RNF38: variants seen among roughly 807,000 people sequenced by gnomAD.
The protein encoded by RNF38 is E3 ubiquitin-protein ligase RNF38.
Under a neutral mutation model 67.2 loss-of-function variants are expected in RNF38, and 15 were observed. The ratio of observed to expected loss-of-function variants is 0.22; its 90% CI spans 0.15 to 0.34. RNF38 has a LOEUF of 0.34. RNF38 is among the 10% of genes least tolerant of loss of function. RNF38 has a pLI of 1.00. For missense variants in RNF38, 524 were observed against 639.9 expected, an observed-to-expected ratio of 0.82 and a Z score of 1.95; for synonymous variants, 220 against 218.8, an observed-to-expected ratio of 1.01 and a Z score of -0.05.
intron 2 of RNF38, among the ~76,000 whole-genome samples, chr9:36,383,562 A>C (rs1272194704): frequency 6.6e-6 from 1 of 152,192 alleles, no homozygotes; most frequent in Non-Finnish European, 1.5e-5. Flanking sequence ...TGAACTACAT[A>C]ATGTACACAG....
At chr9:36,396,565 G>A (rs986195150) in intron 1 of RNF38, among the ~76,000 whole-genome samples, 1 of 152,092 alleles carries the variant, frequency 6.6e-6, no homozygotes, top group Non-Finnish European at 1.5e-5. Context: ...GTGTGGAGCA[G>A]GGGTACTCAA....
chr9:36,397,104 G>GTT (rs34047668), intron 1 of RNF38, among the ~76,000 whole-genome samples: 7 of 135,290 alleles, frequency 5.2e-5, no homozygotes, highest in South Asian at 2.3e-4. Flanking sequence ...TATATGTTTT[G>GTT]TTTTTTTTTT....
In RNF38 at chr9:36,376,019, A is replaced by C. The variant is rs993172671; in HGVS notation, c.271T>G (p.Ser91Ala). 1.2e-5 allele frequency: 20 copies of C among 1,613,248 alleles called. No homozygotes were observed. The highest frequency in any genetic ancestry group is 1.6e-4 in the Middle Eastern group (1 of 6,082). ...SPPMRPWEMT[S>A]NRQPPSVRPS... The stretch of plus-strand genomic sequence containing the variant: ...CGAACTGAAGGGGGCTGCCTATTTG[A>C]TGTCATCTCCCATGGTCGCATTGGT... The change falls in exon 3 of 12, where the codon TCA (serine) becomes GCA (alanine). Residue 91 changes from serine (S) to alanine (A), a missense_variant. Ser to Ala is a moderately conservative substitution (Grantham distance 99). Coordinates refer to ENST00000259605, the MANE Select transcript of RNF38 (RefSeq NM_022781.5).
chr9:36,475,145 C>A (rs1840094795), intron 1 of RNF38, among the ~76,000 whole-genome samples: 6 of 122,560 alleles, frequency 4.9e-5, no homozygotes, highest in African/African-American at 1.6e-4. Flanking sequence ...GACTCTGCCT[C>A]AAAAAAAAAA....
chr9:36,486,539 C>G (rs763344992), intron 1 of RNF38, among the ~76,000 whole-genome samples: 45 of 152,328 alleles, frequency 3.0e-4, no homozygotes, highest in South Asian at 1.2e-3. Flanking sequence ...AAAAAGACAC[C>G]TTACGGGCGC....
intron 1 of RNF38, among the ~76,000 whole-genome samples, chr9:36,429,947 T>C (rs1169144141): frequency 6.6e-6 from 1 of 152,178 alleles, no homozygotes; most frequent in African/African-American, 2.4e-5. Flanking sequence ...CCTACAGATA[T>C]AGAGGGCCAA....
At chr9:36,379,558 T>C (rs1295211948) in intron 2 of RNF38, among the ~76,000 whole-genome samples, 2 of 152,186 alleles carry the variant, frequency 1.3e-5, no homozygotes. Flanking sequence ...AGGTGCTCCT[T>C]ACATAGCAGA....
chr9:36,357,047 C>T (rs1047168985), intron 5 of RNF38, among the ~76,000 whole-genome samples: 10 of 152,074 alleles, frequency 6.6e-5, no homozygotes, highest in Non-Finnish European at 1.5e-5. Context: ...TTCAGAGCAA[C>T]GTATTAAGAG....
intron 9 of RNF38, among the ~76,000 whole-genome samples, chr9:36,350,003 A>G (rs1259466188): frequency 6.6e-6 from 1 of 152,042 alleles, no homozygotes. Context: ...ATTTTTATAG[A>G]AACGGGGTTT....
intron 2 of RNF38, among the ~76,000 whole-genome samples, chr9:36,409,930 T>C (rs1838281917): frequency 6.6e-6 from 1 of 152,220 alleles, no homozygotes; most frequent in African/African-American, 2.4e-5. Context: ...AAATATAAAA[T>C]TTAAGCTTCC....
upstream of RNF38, chr9:36,400,625 C>T (rs995875387): frequency 5.1e-5 from 50 of 985,744 alleles, no homozygotes; most frequent in Non-Finnish European, 5.9e-5. Context: ...CCTATTGTGA[C>T]TGCTCGCCCA....
At chr9:36,417,032 C>T (rs1838493115) in intron 2 of RNF38, among the ~76,000 whole-genome samples, 1 of 151,958 alleles carries the variant, frequency 6.6e-6, no homozygotes, top group African/African-American at 2.4e-5. Flanking sequence ...GATTACAGCA[C>T]TTTTTGGCTG....
upstream of RNF38, among the ~76,000 whole-genome samples, chr9:36,406,007 A>G (rs780760755): frequency 6.6e-6 from 1 of 152,238 alleles, no homozygotes; most frequent in African/African-American, 2.4e-5. Flanking sequence ...AAAGTTGACT[A>G]TGAGGTTACA....
upstream of RNF38, among the ~76,000 whole-genome samples, chr9:36,402,131 G>A (rs1838059306): frequency 6.6e-6 from 1 of 152,132 alleles, no homozygotes; most frequent in Admixed American, 6.5e-5. Context: ...CACAAGAGAA[G>A]GTGTTTAGCA....
At chr9:36,372,326 C>G (rs1352849534) in intron 3 of RNF38, among the ~76,000 whole-genome samples, 1 of 152,232 alleles carries the variant, frequency 6.6e-6, no homozygotes, top group Non-Finnish European at 1.5e-5. Context: ...CCTCTTACAT[C>G]TCACATGTAC....
At chr9:36,362,401 T>C (rs1834618588) in intron 4 of RNF38, among the ~76,000 whole-genome samples, 1 of 151,164 alleles carries the variant, frequency 6.6e-6, no homozygotes, top group African/African-American at 2.4e-5. Flanking sequence ...TTTCAGAAAC[T>C]TCATTGTAAA....
At chr9:36,440,493 T>C (rs1415362553) in intron 1 of RNF38, among the ~76,000 whole-genome samples, 1 of 151,040 alleles carries the variant, frequency 6.6e-6, no homozygotes, top group African/African-American at 2.4e-5. Context: ...ATTGTGCCAT[T>C]GCACTCCAGC....
At chr9:36,359,445 T>C (rs1297881014) in intron 4 of RNF38, among the ~76,000 whole-genome samples, 16 of 152,190 alleles carry the variant, frequency 1.1e-4, no homozygotes, top group Non-Finnish European at 2.4e-4. Context: ...TGGACAATTA[T>C]ACTTGCTCCA....
intron 10 of RNF38, among the ~76,000 whole-genome samples, chr9:36,343,213 C>A (rs1832974729): frequency 6.6e-6 from 1 of 152,082 alleles, no homozygotes; most frequent in South Asian, 2.1e-4. Flanking sequence ...CTGAAATAAA[C>A]CAAAATCAAA....
Sources: allele counts gnomAD v4.1 joint callset (sites outside exome capture counted in the v4.1 genomes callset), GRCh38; gene constraint gnomAD v4.1.1; transcripts MANE v1.5; gene names NCBI Gene and HGNC (gene_info 2026-07-23, HGNC 2026-07-21).